The following VAV2 variants were observed in gnomAD, a reference collection of about 807,000 sequenced individuals.
VAV2 encodes vav guanine nucleotide exchange factor 2.
A neutral mutation model predicts 132.5 loss-of-function variants in VAV2; 67 were observed. That is an observed-to-expected ratio of 0.51 (90% CI 0.42 to 0.62). VAV2 has a LOEUF of 0.62. Among genes scored for constraint, VAV2 ranks in the 20% least tolerant of loss-of-function variants. The probability of loss-of-function intolerance (pLI) is 0.00; values close to 1 mark genes in which losing one functional copy is unlikely to be tolerated. For synonymous variants in VAV2, 492 were observed against 443.5 expected (o/e 1.11, Z -1.37); for missense variants, 938 against 1,153.6 (o/e 0.81, Z 2.71).
chr9:133,835,001 C>G (rs934702135), intron 3 of VAV2, among the ~76,000 whole-genome samples: 12 of 152,176 alleles, frequency 7.9e-5, no homozygotes, highest in African/African-American at 2.7e-4. Context: ...CCCCACACTC[C>G]GCCCTCCAGA....
rs1834626433 is a variant in VAV2, at chr9:133,794,458, C to A, written c.1101+1210G>T. On this transcript the variant is annotated intron_variant, in intron 12 of 29. Transcript: ENST00000371850. This position sits in a 1 kb window ranked among gnomAD's most constrained non-coding sequence, Gnocchi z 4.6. ...CGAGCACAAGCCCTGCTCAGAGAAC[C>A]TCTTAGCACCGGCGGCCAAGCACTG... Among the ~76,000 whole-genome samples, 1 of 152,208 alleles carries A rather than the reference C, an allele frequency of 6.6e-6. No individual in the cohort carries two copies. Among genetic ancestry groups the A allele is most frequent in the South Asian group, 2.1e-4 (1 of 4,834 alleles).
chr9:133,809,243 T>C, intron 6 of VAV2, 105 bp from the exon 7 acceptor site: 1 of 991,174 alleles, frequency 1.0e-6, no homozygotes, highest in East Asian at 2.5e-5. Context: ...GAGGACTCCT[T>C]GGGTTTGGCC....
At chr9:133,786,121 G>T (rs776795690) in intron 16 of VAV2, 1 of 563,548 alleles carries the variant, frequency 1.8e-6, no homozygotes, top group Non-Finnish European at 3.3e-6. Flanking sequence ...ATACCCTCAC[G>T]TGAGAATACA....
intron 4 of VAV2, among the ~76,000 whole-genome samples, chr9:133,812,641 G>A (rs1835403789): frequency 1.3e-5 from 2 of 152,120 alleles, no homozygotes; most frequent in South Asian, 2.1e-4. Flanking sequence ...GCTGTGACCT[G>A]GAGACCTGAG....
chr9:133,824,605 C>G lies in VAV2; in HGVS notation c.449+9667G>C, dbSNP rs1341460255. On this transcript the variant is annotated intron_variant, in intron 4 of 29. Coordinates refer to ENST00000371850, the MANE Select transcript of VAV2 (RefSeq NM_001134398.2). The surrounding 1 kb of genome is among the most constrained non-coding windows in gnomAD (Gnocchi z 5.2). ...GCCCTCCTGGCTTGTCAGGGTCTGC[C>G]CCCAGAGGCTGCTGCCTGGACAGCA... 6.6e-6 allele frequency among the ~76,000 whole-genome samples: 1 copy of G among 152,136 alleles called. No individual in the cohort carries two copies. The highest frequency in any genetic ancestry group is 1.5e-5 in the Non-Finnish European group (1 of 68,012).
At chr9:133,780,742 G>A (rs1833978663) in intron 19 of VAV2, 32 bp from the exon 20 acceptor site, 2 of 1,264,686 alleles carry the variant, frequency 1.6e-6, no homozygotes, top group Non-Finnish European at 2.0e-6. Flanking sequence ...TGTTAGAGGG[G>A]AGGCCACCGA....
At chr9:133,959,982 TG>T (rs1841913638) in intron 1 of VAV2, among the ~76,000 whole-genome samples, 1 of 152,198 alleles carries the variant, frequency 6.6e-6, no homozygotes, top group South Asian at 2.1e-4. Flanking sequence ...CCTGAGTTTG[TG>T]GTCATTTGCT....
chr9:133,979,521 T>C (rs75472430), intron 1 of VAV2, among the ~76,000 whole-genome samples: 4,916 of 152,178 alleles, frequency 0.032, 169 homozygotes, highest in African/African-American at 0.087. Context: ...CGTCCGGAAC[T>C]CGGACAGAGG....
In VAV2 at chr9:133,992,227, G is replaced by T. The variant is rs763889584; in HGVS notation, c.52C>A (p.Pro18Thr). ...GRWLIDCKVL[P>T]PNHRVVWPSA... ...GGCCACACCACCCGGTGGTTGGGCG[G>T]CAGGACCTTGCAATCGATGAGCCAG... Residue 18 changes from proline (P) to threonine (T), a missense_variant, in exon 1 of 30, where the codon CCG becomes ACG. Pro to Thr is a conservative substitution (Grantham distance 38). Transcript: ENST00000371850. This position sits in a 1 kb window ranked among gnomAD's most constrained non-coding sequence, Gnocchi z 5.5. 2.6e-5 allele frequency: 41 copies of T among 1,589,634 alleles called. No individual in the cohort carries two copies. The highest frequency in any genetic ancestry group is 3.3e-5 in the Non-Finnish European group (38 of 1,168,926).
chr9:133,818,214 A>C (rs1835643025), intron 4 of VAV2, among the ~76,000 whole-genome samples: 1 of 151,864 alleles, frequency 6.6e-6, no homozygotes, highest in South Asian at 2.1e-4. Context: ...AAAATACAAA[A>C]AATTAGCCAG....
Position 133,788,451 on chromosome 9 carries a change from C to G in VAV2, c.1310G>C (p.Cys437Ser). The G allele has an allele frequency of 6.2e-7, 1 of 1,611,892 alleles. No homozygotes were observed. The highest frequency in any genetic ancestry group is 8.5e-7 in the Non-Finnish European group (1 of 1,178,190). Residue 437 changes from cysteine to serine, a missense_variant, in exon 15 of 30, where the codon TGC (cysteine) becomes TCC (serine). By Grantham distance (112) the Cys-to-Ser change is moderately radical (BLOSUM62 -1). Transcript: ENST00000371850. This position sits in a 1 kb window ranked among gnomAD's most constrained non-coding sequence, Gnocchi z 5.3. The part of the protein sequence containing the change: ...LFLFDKVVIV[C>S]KRKGYSYELK... ...CTCGTAGCTGTAGCCCTTCCGCTTG[C>G]AGACGATGACCACCTTGTCAAACAG...
In VAV2 at chr9:133,912,187, C is replaced by G. The variant is rs918114436; in HGVS notation, c.321+26916G>C. On this transcript the variant is annotated intron_variant, in intron 2 of 29. Coordinates refer to ENST00000371850, the MANE Select transcript of VAV2 (RefSeq NM_001134398.2). This position sits in a 1 kb window ranked among gnomAD's most constrained non-coding sequence, Gnocchi z 4.3. ...CTTAGATCAGCTGCGGCTACAGTCC[C>G]GGCCTCCAACACACGTGGGAGAAGG... is the stretch of plus-strand genomic sequence containing the variant. Among the ~76,000 whole-genome samples, 3 of 152,194 alleles carry G rather than the reference C, an allele frequency of 2.0e-5. No individual in the cohort carries two copies. Among genetic ancestry groups the G allele is most frequent in the South Asian group, 4.1e-4 (2 of 4,832 alleles).
chr9:133,966,319 C>A (rs944372154), intron 1 of VAV2, among the ~76,000 whole-genome samples: 1 of 152,198 alleles, frequency 6.6e-6, no homozygotes, highest in Admixed American at 6.5e-5. Context: ...CACAGCAAAG[C>A]AAACAATCAA....
chr9:133,890,752 C>T (rs756472559), intron 2 of VAV2, among the ~76,000 whole-genome samples: 3 of 152,140 alleles, frequency 2.0e-5, no homozygotes, highest in African/African-American at 4.8e-5. Flanking sequence ...GGAACACGGA[C>T]GAGATGGCAG....
At chr9:133,985,351 C>T (rs1842827802) in intron 1 of VAV2, among the ~76,000 whole-genome samples, 3 of 151,914 alleles carry the variant, frequency 2.0e-5, no homozygotes, top group South Asian at 4.2e-4. Context: ...GCACAATCTC[C>T]GCTCACTGCA....
chr9:133,818,180 T>A (rs547733522), intron 4 of VAV2, among the ~76,000 whole-genome samples: 1 of 151,758 alleles, frequency 6.6e-6, no homozygotes, highest in African/African-American at 2.4e-5. Context: ...CTGTCTAACA[T>A]GATGAAAACC....
intron 2 of VAV2, among the ~76,000 whole-genome samples, chr9:133,893,532 C>G (rs1839068301): frequency 2.0e-5 from 3 of 152,200 alleles, no homozygotes; most frequent in Admixed American, 2.0e-4. Context: ...TTCATAAAAG[C>G]AAAATCTAGA....
In VAV2 at chr9:133,883,154, C is replaced by A. The variant is rs1838567068; in HGVS notation, c.322-21722G>T. Among the ~76,000 whole-genome samples the A allele has an allele frequency of 6.6e-6, 1 of 152,238 alleles. No homozygotes were observed. The highest frequency in any genetic ancestry group is 1.5e-5 in the Non-Finnish European group (1 of 68,052). On this transcript the variant is annotated intron_variant, in intron 2 of 29. Transcript: ENST00000371850. This position sits in a 1 kb window ranked among gnomAD's most constrained non-coding sequence, Gnocchi z 4.2. ...TCCTAATTGGCATGGAAAGTCAAGTCCCTGAGCCTGCAAAAGACTCGGCTG... is the reference window on the plus strand; with the variant it reads ...TCCTAATTGGCATGGAAAGTCAAGTACCTGAGCCTGCAAAAGACTCGGCTG...
At chr9:133,861,335 A>C (rs371736614) in intron 3 of VAV2, 39 bp downstream of exon 3, 1 of 1,587,584 alleles carries the variant, frequency 6.3e-7, no homozygotes, top group Non-Finnish European at 8.6e-7. Flanking sequence ...GATGGAGATG[A>C]AAGGACCCGG....
Sources: gnomAD v4.1 joint callset for allele counts (sites outside exome capture counted in the v4.1 genomes callset) on GRCh38, gnomAD v4.1.1 for gene constraint, Gnocchi (gnomAD v3.1) non-coding constraint, MANE v1.5 for transcripts, NCBI Gene and HGNC (gene_info 2026-07-23, HGNC 2026-07-21) for gene names.